SLC39A11: variants seen among roughly 807,000 people sequenced by gnomAD.
SLC39A11 encodes the protein zinc transporter ZIP11.
SLC39A11 carries 33 observed loss-of-function variants against 36.1 expected under a neutral mutation model. That is an observed-to-expected ratio of 0.91 (90% CI 0.69 to 1.22). The LOEUF is 1.22. Among genes scored for constraint, SLC39A11 ranks in the 50% most tolerant of loss-of-function variants. The probability of loss-of-function intolerance (pLI) is 0.00; values close to 1 mark genes in which losing one functional copy is unlikely to be tolerated. For synonymous variants in SLC39A11, 166 were observed against 170.3 expected, an observed-to-expected ratio of 0.97 and a Z score of 0.20; for missense variants, 432 against 430.3, an observed-to-expected ratio of 1.00 and a Z score of -0.03.
intron 6 of SLC39A11, among the ~76,000 whole-genome samples, chr17:72,796,009 A>G (rs546927615): frequency 1.3e-5 from 2 of 152,238 alleles, no homozygotes; most frequent in African/African-American, 2.4e-5. Context: ...TACAACAAAG[A>G]GGTCAAAATT....
At chr17:72,849,584 A>G (rs753879340) in intron 6 of SLC39A11, 50 bp downstream of exon 6, 1 of 1,439,906 alleles carries the variant, frequency 6.9e-7, no homozygotes, top group Non-Finnish European at 9.2e-7. Flanking sequence ...GTGCTGACAA[A>G]TGACTTTACC....
chr17:72,835,979 A>T (rs2145786990), intron 6 of SLC39A11, among the ~76,000 whole-genome samples: 2 of 152,210 alleles, frequency 1.3e-5, no homozygotes, highest in East Asian at 3.9e-4. Flanking sequence ...CTGGAGCATC[A>T]GTGGTGGTGA....
chr17:72,989,695 T>A (rs926754601), intron 4 of SLC39A11, among the ~76,000 whole-genome samples: 3 of 152,242 alleles, frequency 2.0e-5, no homozygotes, highest in Non-Finnish European at 4.4e-5. Context: ...CTTATTCCAC[T>A]GTTTCAAGAT....
At chr17:72,909,926 ATT>A (rs934808309) in intron 5 of SLC39A11, among the ~76,000 whole-genome samples, 7 of 148,138 alleles carry the variant, frequency 4.7e-5, no homozygotes, top group East Asian at 4.0e-4. Flanking sequence ...TTTTTTTTGT[ATT>A]TTTTTAGTAG....
chr17:72,670,364 C>T (rs576589311), intron 7 of SLC39A11, among the ~76,000 whole-genome samples: 4 of 139,496 alleles, frequency 2.9e-5, no homozygotes, highest in South Asian at 2.3e-4. Flanking sequence ...AAGCCAGACC[C>T]TGTCTCAAAA....
intron 5 of SLC39A11, among the ~76,000 whole-genome samples, chr17:72,908,990 C>A (rs529337525): frequency 6.6e-6 from 1 of 152,328 alleles, no homozygotes; most frequent in Admixed American, 6.5e-5. Context: ...TCAAACGGAA[C>A]CCCAAAGCTA....
chr17:73,072,872 T>C (rs2060205331), intron 3 of SLC39A11, among the ~76,000 whole-genome samples: 1 of 152,158 alleles, frequency 6.6e-6, no homozygotes, highest in South Asian at 2.1e-4. Flanking sequence ...AAACTGACCA[T>C]CTGAGGTCTT....
intron 5 of SLC39A11, among the ~76,000 whole-genome samples, chr17:72,884,135 C>G (rs111440628): frequency 0.067 from 10,220 of 151,984 alleles, 1,172 homozygotes; most frequent in African/African-American, 0.23. Context: ...GGCTGGGTGA[C>G]AGAGTAAGGC....
At chr17:72,844,180 C>G (rs2078949028) in intron 6 of SLC39A11, among the ~76,000 whole-genome samples, 1 of 152,126 alleles carries the variant, frequency 6.6e-6, no homozygotes, top group Non-Finnish European at 1.5e-5. Context: ...AAGTTGGCTC[C>G]AAACAGGCTC....
At position 72,728,354 on chromosome 17, in the gene SLC39A11, A is replaced by T. The variant is rs527858845; in HGVS notation, c.671+8296T>A. Reference sequence around the variant, plus strand: ...TTGGGAGGGATGCTGAGGTGGGAGGATCGCTTGAGCCCAGGGGGTCGAGGG... The same window carrying T: ...TTGGGAGGGATGCTGAGGTGGGAGGTTCGCTTGAGCCCAGGGGGTCGAGGG... On this transcript the variant is annotated intron_variant, in intron 7 of 9. Transcript: ENST00000255559. 2.6e-5 allele frequency among the ~76,000 whole-genome samples: 4 copies of T among 151,598 alleles called. No homozygotes were observed. The South Asian group carries it at 6.2e-4, about 24-fold the overall frequency.
chr17:72,807,649 G>T (rs147661180), intron 6 of SLC39A11, among the ~76,000 whole-genome samples: 314 of 152,310 alleles, frequency 2.1e-3, no homozygotes, highest in African/African-American at 7.1e-3. Flanking sequence ...GTGAACACAC[G>T]GAGGTGCTTG....
intron 4 of SLC39A11, among the ~76,000 whole-genome samples, chr17:73,007,743 G>T (rs925720226): frequency 6.6e-6 from 1 of 152,156 alleles, no homozygotes; most frequent in East Asian, 1.9e-4. Flanking sequence ...GGAAAAAGAG[G>T]AAAAAGGCCT....
intron 4 of SLC39A11, among the ~76,000 whole-genome samples, chr17:72,959,813 C>A (rs1467332955): frequency 1.3e-5 from 2 of 152,136 alleles, no homozygotes; most frequent in Non-Finnish European, 2.9e-5. Flanking sequence ...ACTCTCTGTG[C>A]CTCCAGTGGT....
chr17:73,064,442 A>C (rs2059938437), intron 3 of SLC39A11, among the ~76,000 whole-genome samples: 1 of 152,226 alleles, frequency 6.6e-6, no homozygotes, highest in Non-Finnish European at 1.5e-5. Context: ...TGGGAGGGAA[A>C]GGATTTCAGT....
intron 6 of SLC39A11, among the ~76,000 whole-genome samples, chr17:72,834,378 T>G (rs1019775855): frequency 3.9e-5 from 6 of 152,170 alleles, no homozygotes; most frequent in Admixed American, 3.3e-4. Flanking sequence ...TCCCAGCACT[T>G]TGGGAAGCTG....
intron 5 of SLC39A11, among the ~76,000 whole-genome samples, chr17:72,924,045 G>A (rs2083871876): frequency 6.6e-6 from 1 of 151,254 alleles, no homozygotes; most frequent in South Asian, 2.1e-4. Context: ...TACTAGGGAA[G>A]CTGAGGTGGG....
chr17:72,984,652 A>C (rs1598725273), intron 4 of SLC39A11, among the ~76,000 whole-genome samples: 1 of 152,190 alleles, frequency 6.6e-6, no homozygotes, highest in African/African-American at 2.4e-5. Flanking sequence ...CAAGACCTCC[A>C]GGGGATTCTC....
At chr17:73,046,612 T>G (rs766840152) in intron 3 of SLC39A11, among the ~76,000 whole-genome samples, 7 of 152,172 alleles carry the variant, frequency 4.6e-5, no homozygotes, top group Non-Finnish European at 8.8e-5. Flanking sequence ...GTAATTATCG[T>G]CATCTTCTCT....
intron 4 of SLC39A11, among the ~76,000 whole-genome samples, chr17:73,013,320 T>TCCC (rs2090626335): frequency 6.6e-6 from 1 of 151,892 alleles, no homozygotes; most frequent in African/African-American, 2.4e-5. Context: ...ACTCCTGACC[T>TCCC]CCGGCGATCC....
Sources: gnomAD v4.1 joint callset for allele counts (sites outside exome capture counted in the v4.1 genomes callset) on GRCh38, gnomAD v4.1.1 for gene constraint, MANE v1.5 for transcripts, NCBI Gene and HGNC (gene_info 2026-07-23, HGNC 2026-07-21) for gene names.